The following BMPR1A variants were observed in gnomAD, a reference collection of about 807,000 sequenced individuals.
BMPR1A encodes the protein bone morphogenetic protein receptor type-1A.
In BMPR1A, 7 loss-of-function variants were observed where a neutral mutation model predicts 66.0. The ratio of observed to expected loss-of-function variants is 0.11; its 90% CI spans 0.06 to 0.20. BMPR1A has a LOEUF of 0.20. Among genes scored for constraint, BMPR1A ranks in the 10% least tolerant of loss-of-function variants. BMPR1A has a pLI of 1.00. For synonymous variants in BMPR1A, 200 were observed against 229.7 expected (o/e 0.87, Z 1.17); for missense variants, 408 against 669.1 (o/e 0.61, Z 4.31).
intron 2 of BMPR1A, among the ~76,000 whole-genome samples, chr10:86,850,838 A>C (rs938685940): frequency 1.3e-5 from 2 of 152,186 alleles, no homozygotes; most frequent in African/African-American, 2.4e-5. Context: ...TTTTAAAGAC[A>C]GCCCTTATAT....
At chr10:86,794,820 A>G (rs1841681112) in intron 1 of BMPR1A, among the ~76,000 whole-genome samples, 1 of 151,350 alleles carries the variant, frequency 6.6e-6, no homozygotes, top group South Asian at 2.1e-4. Flanking sequence ...ATCTATATCT[A>G]TATCTATAGA....
chr10:86,791,215 CTT>C (rs33919307), intron 1 of BMPR1A, among the ~76,000 whole-genome samples: 108 of 141,788 alleles, frequency 7.6e-4, no homozygotes, highest in Middle Eastern at 3.8e-3. Context: ...TCAGTGCTTG[CTT>C]TTTTTTTTTT....
intron 1 of BMPR1A, among the ~76,000 whole-genome samples, chr10:86,827,875 C>T (rs77483034): frequency 0.027 from 4,172 of 152,238 alleles, 197 homozygotes; most frequent in African/African-American, 0.096. Flanking sequence ...AGTTGCAGGC[C>T]GGGCACGGTG....
chr10:86,786,561 C>T (rs963225461), intron 1 of BMPR1A, among the ~76,000 whole-genome samples: 1 of 152,158 alleles, frequency 6.6e-6, no homozygotes, highest in African/African-American at 2.4e-5. Flanking sequence ...AAAGAAATTC[C>T]CCATCTCAGT....
chr10:86,853,140 A>G (rs1047003032), intron 2 of BMPR1A, among the ~76,000 whole-genome samples: 2 of 152,302 alleles, frequency 1.3e-5, no homozygotes, highest in East Asian at 1.9e-4. Flanking sequence ...TTAAACGTCA[A>G]TTTTCTAGAA....
Position 86,925,476 on chromosome 10 carries a change from C to A in BMPR1A, c.*1757C>A, listed in dbSNP as rs562634722. ...TCACAAATTTGAAAATTGCCTTAACCATTTTGATTAATAAGTTTCATCTGC... is the reference window on the plus strand; with the variant it reads ...TCACAAATTTGAAAATTGCCTTAACAATTTTGATTAATAAGTTTCATCTGC... On this transcript the variant is annotated 3_prime_UTR_variant, in exon 13 of 13. Transcript: ENST00000372037. 1 of 210,880 alleles carries A rather than the reference C, an allele frequency of 4.7e-6. No individual in the cohort carries two copies. Among genetic ancestry groups the A allele is most frequent in the East Asian group, 7.2e-5 (1 of 13,804 alleles). The allele number at this position is 210,880 out of a possible 1,614,324, so 13.1% of individuals were successfully genotyped here. A position where few individuals can be genotyped will look rare whatever the true frequency, so the allele number is the denominator to read the frequency against.
At chr10:86,808,408 AT>A (rs1186005387) in intron 1 of BMPR1A, among the ~76,000 whole-genome samples, 1 of 152,098 alleles carries the variant, frequency 6.6e-6, no homozygotes, top group African/African-American at 2.4e-5. Flanking sequence ...ATACTATTAT[AT>A]TTTTATTTCT....
Position 86,887,738 on chromosome 10 carries a change from T to C in BMPR1A, c.68-2324T>C, listed in dbSNP as rs149026256. ...TGTGATATATTATATACTGTTTGTT[T>C]TCCAGAGCTGAATTGATACGTGTCT... On this transcript the variant is annotated intron_variant, in intron 3 of 12. Transcript: ENST00000372037. Among the ~76,000 whole-genome samples the C allele has an allele frequency of 2.1e-3, 325 of 152,346 alleles. 2 individuals carry two copies. Among genetic ancestry groups the C allele is most frequent in the African/African-American group, 7.2e-3 (298 of 41,586 alleles).
chr10:86,835,255 AAAAAAAAACAG>A (rs2133088601), intron 1 of BMPR1A, among the ~76,000 whole-genome samples: 1 of 150,654 alleles, frequency 6.6e-6, no homozygotes, highest in East Asian at 2.0e-4. Context: ...AAAAGAAAAA[AAAAAAAAACAG>A]AAAAAAAACA....
rs116048728 is a variant in BMPR1A, at chr10:86,775,113, T to G, written c.-268+18194T>G. Among the ~76,000 whole-genome samples, 769 of 152,354 alleles carry G rather than the reference T, an allele frequency of 5.0e-3. 10 individuals carry two copies. Among genetic ancestry groups the G allele is most frequent in the African/African-American group, 0.018 (749 of 41,586 alleles). On this transcript the variant is annotated intron_variant, in intron 1 of 12. Coordinates refer to ENST00000372037, the MANE Select transcript of BMPR1A (RefSeq NM_004329.3). The stretch of plus-strand genomic sequence containing the variant: ...AGGGAAGGTCAGAATGTGTACTGTT[T>G]GTTTATGCTCTTTGCTAAGCATGTA...
chr10:86,807,499 G>A (rs1841906146), intron 1 of BMPR1A, among the ~76,000 whole-genome samples: 1 of 152,004 alleles, frequency 6.6e-6, no homozygotes, highest in African/African-American at 2.4e-5. Flanking sequence ...TCCTGCCTCA[G>A]CCTCCTGAGT....
chr10:86,778,040 A>T (rs980798110), intron 1 of BMPR1A, among the ~76,000 whole-genome samples: 1 of 151,918 alleles, frequency 6.6e-6, no homozygotes, highest in Non-Finnish European at 1.5e-5. Context: ...TGACAAATGT[A>T]CGTATTTAGG....
At chr10:86,885,722 TATCTCATATGTATAGTGCATC>T (rs1305409430) in intron 3 of BMPR1A, among the ~76,000 whole-genome samples, 1 of 152,226 alleles carries the variant, frequency 6.6e-6, no homozygotes, top group Non-Finnish European at 1.5e-5. Context: ...CATTGCTGAT[TATCTCATATGTATAGTGCATC>T]AGTAGCCCAT....
intron 2 of BMPR1A, among the ~76,000 whole-genome samples, chr10:86,851,597 G>A (rs1842568818): frequency 6.6e-6 from 1 of 152,204 alleles, no homozygotes; most frequent in Admixed American, 6.5e-5. Flanking sequence ...GACTCCTCAA[G>A]CAGCCTAATG....
At chr10:86,911,178 T>TAAAAAA (rs1843477739) in intron 7 of BMPR1A, among the ~76,000 whole-genome samples, 1 of 144,692 alleles carries the variant, frequency 6.9e-6, no homozygotes, top group African/African-American at 2.6e-5. Context: ...AAAAAAAAAT[T>TAAAAAA]AAACCTTGAG....
chr10:86,889,841 A>G, intron 3 of BMPR1A: 1 of 560,280 alleles, frequency 1.8e-6, no homozygotes. Context: ...AAAAATTGTG[A>G]TATAGCTGTC....
intron 8 of BMPR1A, among the ~76,000 whole-genome samples, chr10:86,914,754 G>T (rs1443552633): frequency 6.6e-6 from 1 of 152,150 alleles, no homozygotes; most frequent in Non-Finnish European, 1.5e-5. Context: ...ATACATTGCT[G>T]GTTGGAATGC....
upstream of BMPR1A, chr10:86,756,474 C>CCGGGG (rs1378482660): frequency 6.6e-5 from 10 of 151,042 alleles, no homozygotes; most frequent in East Asian, 3.9e-4. Flanking sequence ...CTTTTCGTGT[C>CCGGGG]CGGGGCGGGG....
intron 3 of BMPR1A, among the ~76,000 whole-genome samples, chr10:86,878,923 G>A (rs1842953059): frequency 6.6e-6 from 1 of 152,052 alleles, no homozygotes; most frequent in South Asian, 2.1e-4. Flanking sequence ...AAGGATCTGG[G>A]AGAGATTTAA....
Sources: allele counts gnomAD v4.1 joint callset (sites outside exome capture counted in the v4.1 genomes callset), GRCh38; gene constraint gnomAD v4.1.1; transcripts MANE v1.5; gene names NCBI Gene and HGNC (gene_info 2026-07-23, HGNC 2026-07-21).